The following KCNH8 variants were observed in gnomAD, a reference collection of about 807,000 sequenced individuals.
KCNH8 encodes voltage-gated delayed rectifier potassium channel KCNH8.
Under a neutral mutation model 103.6 loss-of-function variants are expected in KCNH8, and 70 were observed. The ratio of observed to expected loss-of-function variants is 0.68; its 90% CI spans 0.56 to 0.82. The LOEUF is 0.82. Ranked by LOEUF, KCNH8 falls within the 40% of genes least tolerant of loss-of-function variation. The probability of loss-of-function intolerance (pLI) is 0.00; values close to 1 mark genes in which losing one functional copy is unlikely to be tolerated. For missense variants in KCNH8, 1,217 were observed against 1,329.9 expected (o/e 0.92, Z 1.32); for synonymous variants, 498 against 489.4 (o/e 1.02, Z -0.23).
chr3:19,481,440 GTTC>G (rs563549826), intron 11 of KCNH8, among the ~76,000 whole-genome samples: 43 of 152,126 alleles, frequency 2.8e-4, no homozygotes, highest in Admixed American at 2.3e-3. Flanking sequence ...ATGACTAGAA[GTTC>G]TTCATGTTGT....
intron 1 of KCNH8, among the ~76,000 whole-genome samples, chr3:19,202,360 G>C (rs1217002553): frequency 6.6e-6 from 1 of 152,122 alleles, no homozygotes; most frequent in Non-Finnish European, 1.5e-5. Context: ...AGTAGTTTGT[G>C]ATTCCCATGT....
chr3:19,317,313 C>T (rs1364892702), intron 3 of KCNH8, among the ~76,000 whole-genome samples: 1 of 151,856 alleles, frequency 6.6e-6, no homozygotes, highest in Non-Finnish European at 1.5e-5. Context: ...TGCTTTTCAT[C>T]TTAATTATTT....
chr3:19,272,483 A>C (rs1441918109), intron 2 of KCNH8, among the ~76,000 whole-genome samples: 1 of 152,024 alleles, frequency 6.6e-6, no homozygotes, highest in Admixed American at 6.6e-5. Context: ...CCAATGATTG[A>C]GTGAGGCAGG....
At chr3:19,315,962 C>A (rs1328434715) in intron 3 of KCNH8, among the ~76,000 whole-genome samples, 2 of 151,878 alleles carry the variant, frequency 1.3e-5, no homozygotes, top group African/African-American at 4.8e-5. Context: ...AAAGATGAAT[C>A]AATTGAAAGT....
chr3:19,441,047 G>A (rs958224145), intron 8 of KCNH8, among the ~76,000 whole-genome samples: 2 of 152,152 alleles, frequency 1.3e-5, no homozygotes, highest in African/African-American at 2.4e-5. Flanking sequence ...GAGGAGGGGA[G>A]GAGGGACTGC....
chr3:19,501,937 G>T (rs907473829), intron 11 of KCNH8, among the ~76,000 whole-genome samples: 1 of 151,388 alleles, frequency 6.6e-6, no homozygotes, highest in Non-Finnish European at 1.5e-5. Context: ...GCAATTAGGA[G>T]AAGGAAATAA....
chr3:19,513,153 C>T lies in KCNH8; in HGVS notation c.2263C>T (p.Gln755Ter). 6.2e-7 allele frequency: 1 copy of T among 1,613,946 alleles called. No individual in the cohort carries two copies. The highest frequency in any genetic ancestry group is 8.5e-7 in the Non-Finnish European group (1 of 1,179,920). ...AGCCTACCTGGGCTTAAGCTTAAAG[C>T]AACTGGCCTCGGGAACGGTGCCCTT... Reference protein sequence around the residue: ...NKAYLGLSLKQLASGTVPFHS... With the variant: ...NKAYLGLSLK Residue 755 changes from glutamine (Q) to a stop codon, truncating the protein, a stop_gained, in exon 13 of 16, where the codon CAA becomes TAA. Coordinates refer to ENST00000328405, the MANE Select transcript of KCNH8 (RefSeq NM_144633.3). LOFTEE classifies it high-confidence loss of function.
intron 1 of KCNH8, among the ~76,000 whole-genome samples, chr3:19,184,990 T>A (rs1047510227): frequency 1.3e-5 from 2 of 151,940 alleles, no homozygotes; most frequent in Non-Finnish European, 2.9e-5. Flanking sequence ...TAGTGCATTA[T>A]ATAGATATAC....
intron 1 of KCNH8, among the ~76,000 whole-genome samples, chr3:19,186,997 A>G (rs2125206772): frequency 6.6e-6 from 1 of 152,216 alleles, no homozygotes; most frequent in South Asian, 2.1e-4. Context: ...GATAATACAT[A>G]AACAAATGGG....
intron 11 of KCNH8, among the ~76,000 whole-genome samples, chr3:19,464,913 AATG>A (rs1218906571): frequency 2.0e-5 from 3 of 152,190 alleles, no homozygotes; most frequent in Non-Finnish European, 2.9e-5. Flanking sequence ...TTATAGTGAG[AATG>A]ATATGATTAG....
intron 1 of KCNH8, among the ~76,000 whole-genome samples, chr3:19,211,969 A>G (rs959684591): frequency 6.6e-6 from 1 of 152,204 alleles, no homozygotes; most frequent in Non-Finnish European, 1.5e-5. Context: ...AGGTAGCTCC[A>G]TGTGATAACA....
At chr3:19,267,102 C>G (rs1047939220) in intron 2 of KCNH8, among the ~76,000 whole-genome samples, 2 of 152,020 alleles carry the variant, frequency 1.3e-5, no homozygotes, top group Non-Finnish European at 2.9e-5. Flanking sequence ...TCAGTCCTGT[C>G]TGTCACAGCC....
intron 7 of KCNH8, among the ~76,000 whole-genome samples, chr3:19,436,289 A>T (rs1466410307): frequency 6.6e-6 from 1 of 152,182 alleles, no homozygotes; most frequent in Non-Finnish European, 1.5e-5. Context: ...TTTAGGAAAA[A>T]AAAAATTTGA....
intron 11 of KCNH8, among the ~76,000 whole-genome samples, chr3:19,478,746 A>G (rs1447045183): frequency 6.6e-6 from 1 of 152,100 alleles, no homozygotes; most frequent in Non-Finnish European, 1.5e-5. Context: ...TTTGACTGTA[A>G]GACTAGTTCT....
At chr3:19,497,213 C>T (rs147920274) in intron 11 of KCNH8, among the ~76,000 whole-genome samples, 151 of 152,062 alleles carry the variant, frequency 9.9e-4, no homozygotes, top group African/African-American at 3.5e-3. Context: ...ATTAATTGAT[C>T]TTTTGTATGA....
chr3:19,509,231 A>G (rs1335183645), intron 11 of KCNH8, among the ~76,000 whole-genome samples: 2 of 152,324 alleles, frequency 1.3e-5, no homozygotes, highest in South Asian at 2.1e-4. Flanking sequence ...GATGAAACAT[A>G]TATTTGCACA....
chr3:19,464,160 C>T (rs1369567674), intron 11 of KCNH8, among the ~76,000 whole-genome samples: 1 of 151,982 alleles, frequency 6.6e-6, no homozygotes, highest in Non-Finnish European at 1.5e-5. Context: ...GAAACTAAAC[C>T]TACAGTAATT....
intron 5 of KCNH8, among the ~76,000 whole-genome samples, chr3:19,382,745 C>A (rs2066305302): frequency 6.6e-6 from 1 of 152,102 alleles, no homozygotes; most frequent in African/African-American, 2.4e-5. Context: ...AAATTCTACA[C>A]TGTTAGCCCC....
At chr3:19,252,789 C>T (rs1465871934) in intron 1 of KCNH8, among the ~76,000 whole-genome samples, 5 of 152,140 alleles carry the variant, frequency 3.3e-5, no homozygotes, top group Admixed American at 6.5e-5. Context: ...CTACAACACA[C>T]CTATGAAGTA....
Sources: gnomAD v4.1 joint callset for allele counts (sites outside exome capture counted in the v4.1 genomes callset) on GRCh38, gnomAD v4.1.1 for gene constraint, MANE v1.5 for transcripts, NCBI Gene and HGNC (gene_info 2026-07-23, HGNC 2026-07-21) for gene names.